FLNB: variants seen among roughly 807,000 people sequenced by gnomAD.
The protein encoded by FLNB is filamin-B.
A neutral mutation model predicts 250.6 loss-of-function variants in FLNB; 111 were observed. That is an observed-to-expected ratio of 0.44 (90% confidence interval 0.38 to 0.52). FLNB has a LOEUF of 0.52. FLNB is among the 20% of genes least tolerant of loss of function. The probability of loss-of-function intolerance (pLI) is 0.00; values close to 1 mark genes in which losing one functional copy is unlikely to be tolerated. For missense variants in FLNB, 2,869 were observed against 3,447.8 expected, an observed-to-expected ratio of 0.83 and a Z score of 4.20; for synonymous variants, 1,302 against 1,372.1, an observed-to-expected ratio of 0.95 and a Z score of 1.13.
intron 18 of FLNB, 69 bp from the exon 19 acceptor site, chr3:58,118,801 TGA>T: frequency 9.4e-7 from 1 of 1,064,550 alleles, no homozygotes; most frequent in Non-Finnish European, 1.5e-6. Context: ...TGAGGGATCT[TGA>T]GGGGATTTTA....
intron 32 of FLNB, among the ~76,000 whole-genome samples, chr3:58,143,891 TG>T (rs1038855865): frequency 6.6e-6 from 1 of 152,248 alleles, no homozygotes; most frequent in South Asian, 2.1e-4. Context: ...GAGGTCAAGC[TG>T]GGAGAAAAAT....
chr3:58,146,820 G>A lies in FLNB; in HGVS notation c.5555G>A (p.Gly1852Asp), dbSNP rs1483110162. Residue 1852 changes from glycine (G) to aspartate (D), a missense_variant and splice_region_variant, in exon 34 of 46, where the codon GGT becomes GAT. Transcript: ENST00000295956. ...CCTGCATCCCTGTTCCCACTTGTAG[G>A]TGGTCTGGACTTGGCTATTGAGGGC... ...FTIVTEDAGE[G>D]GLDLAIEGPS... The A allele has an allele frequency of 6.2e-7, 1 of 1,614,178 alleles. No individual in the cohort carries two copies. The highest frequency in any genetic ancestry group is 2.2e-5 in the East Asian group (1 of 44,890).
rs879445920 is a variant in FLNB at position 58,073,176 on chromosome 3, T to TTTATTTATTTATTTATTTAC, written c.293-3867_293-3866insTTTATTTATTTATTTACTTA. ...ATTTATTTATTTATTTATTTATTTA[T>TTTATTTATTTATTTATTTAC]TTACTTATTTATTGTTTACCCTTTT... On this transcript the variant is annotated intron_variant, in intron 1 of 45. Coordinates refer to ENST00000295956, the MANE Select transcript of FLNB (RefSeq NM_001457.4). Among the ~76,000 whole-genome samples, 73 of 151,796 alleles carry TTTATTTATTTATTTATTTAC rather than the reference T, an allele frequency of 4.8e-4. 1 individual carries two copies. Among genetic ancestry groups the TTTATTTATTTATTTATTTAC allele is most frequent in the Admixed American group, 1.3e-3 (20 of 15,182 alleles).
At chr3:58,146,082 A>T (rs1399296604) in intron 33 of FLNB, 33 bp downstream of exon 33, 1 of 1,613,760 alleles carries the variant, frequency 6.2e-7, no homozygotes, top group Non-Finnish European at 8.5e-7. Context: ...ATACGCCTCC[A>T]GCTGTCCATT....
At chr3:58,107,878 G>A (rs79553189) in intron 12 of FLNB, among the ~76,000 whole-genome samples, 1,847 of 152,338 alleles carry the variant, frequency 0.012, 37 homozygotes, top group East Asian at 0.061. Context: ...AATGTTGTCC[G>A]TGGTAAAGAT....
Position 58,111,851 on chromosome 3 carries a change from A to G in FLNB, c.2545A>G (p.Lys849Glu). The G allele has an allele frequency of 6.2e-7, 1 of 1,614,144 alleles. No individual in the cohort carries two copies. The highest frequency in any genetic ancestry group is 8.5e-7 in the Non-Finnish European group (1 of 1,179,978). The part of the protein sequence containing the change: ...VDPSHDASKV[K>E]AEGPGLSKAG... ...CCCTTCCCACGATGCCAGCAAAGTGAAGGCAGAAGGCCCAGGGCTCAGCAA... is the reference window on the plus strand; with the variant it reads ...CCCTTCCCACGATGCCAGCAAAGTGGAGGCAGAAGGCCCAGGGCTCAGCAA... Residue 849 changes from lysine to glutamate, a missense_variant, in exon 17 of 46, where the codon AAG (lysine) becomes GAG (glutamate). Lys to Glu is a moderately conservative substitution (Grantham distance 56). Transcript: ENST00000295956.
At chr3:58,049,872 T>G (rs1218094975) in intron 1 of FLNB, among the ~76,000 whole-genome samples, 2 of 152,236 alleles carry the variant, frequency 1.3e-5, no homozygotes, top group Admixed American at 1.3e-4. Flanking sequence ...AGAAAACGTG[T>G]AATCTGTGGG....
chr3:58,042,484 G>A (rs2106805341), intron 1 of FLNB, among the ~76,000 whole-genome samples: 1 of 151,854 alleles, frequency 6.6e-6, no homozygotes, highest in South Asian at 2.1e-4. Flanking sequence ...GAGTAGCTGG[G>A]ACTACAGGCA....
At chr3:58,091,468 A>G (rs1332140285) in intron 4 of FLNB, among the ~76,000 whole-genome samples, 8 of 152,184 alleles carry the variant, frequency 5.3e-5, no homozygotes, top group African/African-American at 1.9e-4. Flanking sequence ...TGGCAGAGAA[A>G]TTGAACATCC....
At chr3:58,077,330 G>A in intron 2 of FLNB, 36 bp downstream of exon 2, 1 of 1,609,304 alleles carries the variant, frequency 6.2e-7, no homozygotes, top group Non-Finnish European at 8.5e-7. Flanking sequence ...ATCTGTCCAG[G>A]ATGGGGGTGT....
Position 58,163,303 on chromosome 3 carries a change from G to A in FLNB, c.7171G>A (p.Gly2391Ser). Residue 2391 changes from glycine to serine, a missense_variant, in exon 43 of 46, where the codon GGC (glycine) becomes AGC (serine). By Grantham distance (56) the Gly-to-Ser change is moderately conservative. Coordinates refer to ENST00000295956, the MANE Select transcript of FLNB (RefSeq NM_001457.4). ...GAACCCTGCCCTGGTGTCCGCCTAT[G>A]GCACGGGACTCGAAGGGGGCACCAC... ...AGNPALVSAYGTGLEGGTTGI... is the reference protein window; with the variant it reads ...AGNPALVSAYSTGLEGGTTGI... 1 of 1,614,200 alleles carries A rather than the reference G, an allele frequency of 6.2e-7. No homozygotes were observed. Among genetic ancestry groups the A allele is most frequent in the South Asian group, 1.1e-5 (1 of 91,086 alleles).
At chr3:58,054,296 A>G (rs2097167023) in intron 1 of FLNB, among the ~76,000 whole-genome samples, 1 of 152,212 alleles carries the variant, frequency 6.6e-6, no homozygotes, top group Admixed American at 6.5e-5. Flanking sequence ...CAGCCATACC[A>G]AGTATATCCA....
intron 18 of FLNB, among the ~76,000 whole-genome samples, chr3:58,116,028 T>C (rs1362047006): frequency 6.6e-6 from 1 of 152,072 alleles, no homozygotes; most frequent in Non-Finnish European, 1.5e-5. Context: ...GCCCTATAAG[T>C]GCTCTGTGTG....
At position 58,112,305 on chromosome 3, in the gene FLNB, C is replaced by T. The variant is rs868273443; in HGVS notation, c.2732C>T (p.Thr911Ile). 1.2e-6 allele frequency: 2 copies of T among 1,613,448 alleles called. No individual in the cohort carries two copies. The highest frequency in any genetic ancestry group is 1.7e-6 in the Non-Finnish European group (2 of 1,179,994). The change falls in exon 18 of 46, where the codon ACA (threonine) becomes ATA (isoleucine). Residue 911 changes from threonine (T) to isoleucine (I), a missense_variant. Coordinates refer to ENST00000295956, the MANE Select transcript of FLNB (RefSeq NM_001457.4). The stretch of plus-strand genomic sequence containing the variant: ...GACTACTCTCACACGGTTAAATATA[C>T]ACCCACCCAACAGGTAGGGTCCTTC... Reference protein sequence around the residue: ...NYDYSHTVKYTPTQQGNMQVL... With the variant: ...NYDYSHTVKYIPTQQGNMQVL...
At position 58,145,649 on chromosome 3, in the gene FLNB, G is replaced by GAT. The variant is rs10663545; in HGVS notation, c.5426-272_5426-271insAT. Among the ~76,000 whole-genome samples the GAT allele has an allele frequency of 8.1e-3, 1,238 of 152,258 alleles. 14 individuals are homozygous for GAT. The highest frequency in any genetic ancestry group is 0.027 in the African/African-American group (1,126 of 41,534). ...CTTCCTTATTTGTCAGGTTGGGCTG[G>GAT]TACCTTACCTTAGCCCCCTTCCTCA... is the stretch of plus-strand genomic sequence containing the variant. On this transcript the variant is annotated intron_variant, in intron 32 of 45. Transcript: ENST00000295956.
intron 3 of FLNB, 38 bp downstream of exon 3, chr3:58,078,852 C>T: frequency 6.6e-7 from 1 of 1,512,696 alleles, no homozygotes; most frequent in Non-Finnish European, 9.1e-7. Flanking sequence ...AGGCTGCCCC[C>T]ACCCACTAGC....
At chr3:58,141,386 G>A (rs1332853381) in intron 29 of FLNB, among the ~76,000 whole-genome samples, 1 of 152,168 alleles carries the variant, frequency 6.6e-6, no homozygotes, top group Non-Finnish European at 1.5e-5. Flanking sequence ...TTTCATGCCT[G>A]GGGTCACACC....
chr3:58,029,940 T>C (rs2097128588), intron 1 of FLNB, among the ~76,000 whole-genome samples: 1 of 152,208 alleles, frequency 6.6e-6, no homozygotes, highest in Non-Finnish European at 1.5e-5. Flanking sequence ...ATAGTTTCTA[T>C]CTGAAACAGT....
chr3:58,157,042 T>C (rs2097354481), intron 41 of FLNB, among the ~76,000 whole-genome samples: 1 of 152,172 alleles, frequency 6.6e-6, no homozygotes, highest in African/African-American at 2.4e-5. Context: ...CCACCTGATG[T>C]TGTGGCACAC....
Sources: gnomAD v4.1 joint callset for allele counts (sites outside exome capture counted in the v4.1 genomes callset) on GRCh38, gnomAD v4.1.1 for gene constraint, MANE v1.5 for transcripts, NCBI Gene and HGNC (gene_info 2026-07-23, HGNC 2026-07-21) for gene names.